Variants in SNTB1 observed in about 807,000 individuals in gnomAD.
The protein encoded by SNTB1 is beta-1-syntrophin.
In SNTB1, 36 loss-of-function variants were observed where a neutral mutation model predicts 48.9. The observed-to-expected ratio is 0.74, with a 90% CI of 0.56 to 0.97. SNTB1 has a LOEUF of 0.97. SNTB1 is among the 50% of genes least tolerant of loss of function. The pLI is 0.00. For synonymous variants in SNTB1, 299 were observed against 294.6 expected (o/e 1.01, Z -0.15); for missense variants, 786 against 703.4 (o/e 1.12, Z -1.33).
intron 3 of SNTB1, among the ~76,000 whole-genome samples, chr8:120,576,832 A>G (rs916291774): frequency 6.6e-6 from 1 of 152,210 alleles, no homozygotes; most frequent in Admixed American, 6.5e-5. Flanking sequence ...ATTTGTAGAA[A>G]TGCTTAATAC....
At chr8:120,632,940 T>G (rs922295540) in intron 2 of SNTB1, among the ~76,000 whole-genome samples, 1 of 152,214 alleles carries the variant, frequency 6.6e-6, no homozygotes, top group Admixed American at 6.5e-5. Flanking sequence ...ATTTGCTGAT[T>G]AGTAGTATCA....
rs149863300 is a variant in SNTB1, at chr8:120,617,982, T to G, written c.996+14462A>C. On this transcript the variant is annotated intron_variant, in intron 3 of 6. Transcript: ENST00000517992. The stretch of plus-strand genomic sequence containing the variant: ...AGAAAGGCAGTATCACCTGAATATA[T>G]GTATATATATATATATTTAGTGCTC... Among the ~76,000 whole-genome samples the G allele has an allele frequency of 1.6e-4, 24 of 152,242 alleles. No individual in the cohort carries two copies. The East Asian group carries it at 4.6e-3, about 29-fold the overall frequency.
intron 1 of SNTB1, among the ~76,000 whole-genome samples, chr8:120,804,974 G>A (rs1448258021): frequency 3.9e-5 from 6 of 152,254 alleles, no homozygotes; most frequent in East Asian, 1.9e-4. Context: ...GTAGGTATCT[G>A]CATGGTACTT....
In SNTB1 at chr8:120,555,642, G is replaced by C. The variant is rs143989977; in HGVS notation, c.1137-6684C>G. On this transcript the variant is annotated intron_variant, in intron 4 of 6. Coordinates refer to ENST00000517992, the MANE Select transcript of SNTB1 (RefSeq NM_021021.4). ...CTGCTCTTTGTTAGAAAATGATTTG[G>C]GGCAGCTTTTCATTAAAAAGAACAG... Among the ~76,000 whole-genome samples, 610 of 152,164 alleles carry C rather than the reference G, an allele frequency of 4.0e-3. 4 individuals carry two copies. Among genetic ancestry groups the C allele is most frequent in the African/African-American group, 0.014 (590 of 41,522 alleles).
rs184215957 is a variant in SNTB1 at position 120,680,128 on chromosome 8, C to A, written c.788+13564G>T. Among the ~76,000 whole-genome samples, 4 of 152,308 alleles carry A rather than the reference C, an allele frequency of 2.6e-5. No homozygotes were observed. The South Asian group carries it at 8.3e-4, about 32-fold the overall frequency. ...TAGACATCACTCCCTGTTGACAACA[C>A]CCAGCCTGCTTTAAAAACAGAACTT... On this transcript the variant is annotated intron_variant, in intron 2 of 6. Coordinates refer to ENST00000517992, the MANE Select transcript of SNTB1 (RefSeq NM_021021.4).
At chr8:120,635,368 A>T (rs755869995) in intron 2 of SNTB1, among the ~76,000 whole-genome samples, 1 of 152,312 alleles carries the variant, frequency 6.6e-6, no homozygotes, top group Non-Finnish European at 1.5e-5. Flanking sequence ...TTTTTAATTG[A>T]CAATGATGGT....
chr8:120,599,930 T>C (rs1361842092), intron 3 of SNTB1, among the ~76,000 whole-genome samples: 1 of 152,216 alleles, frequency 6.6e-6, no homozygotes, highest in Non-Finnish European at 1.5e-5. Context: ...GGATTATGCA[T>C]AAGCTATACT....
intron 2 of SNTB1, among the ~76,000 whole-genome samples, chr8:120,656,086 T>C (rs953344443): frequency 3.9e-5 from 6 of 152,202 alleles, no homozygotes; most frequent in African/African-American, 1.4e-4. Context: ...AACACCATAA[T>C]ATCCTTAACT....
chr8:120,689,953 A>G (rs1818097651), intron 2 of SNTB1, among the ~76,000 whole-genome samples: 1 of 152,222 alleles, frequency 6.6e-6, no homozygotes, highest in African/African-American at 2.4e-5. Flanking sequence ...AGAGTTCGCA[A>G]TGTATTCAGA....
chr8:120,734,871 A>G lies in SNTB1; in HGVS notation c.572-40963T>C, dbSNP rs564439054. ...GGCTTAGAGATTTCTGAGAGGGTCC[A>G]GATGGTTAAAGGATGACTGGCTATA... On this transcript the variant is annotated intron_variant, in intron 1 of 6. Coordinates refer to ENST00000517992, the MANE Select transcript of SNTB1 (RefSeq NM_021021.4). Among the ~76,000 whole-genome samples the G allele has an allele frequency of 2.2e-4, 33 of 152,338 alleles. No individual in the cohort carries two copies. The South Asian group carries it at 6.4e-3, about 30-fold the overall frequency.
intron 1 of SNTB1, among the ~76,000 whole-genome samples, chr8:120,713,537 C>T (rs2129925430): frequency 6.6e-6 from 1 of 152,274 alleles, no homozygotes; most frequent in African/African-American, 2.4e-5. Flanking sequence ...CAAGACCAGC[C>T]TGGCCAATAT....
At chr8:120,601,362 C>T (rs10113166) in intron 3 of SNTB1, among the ~76,000 whole-genome samples, 35,720 of 151,884 alleles carry the variant, frequency 0.24, 4,346 homozygotes, top group African/African-American at 0.29. Flanking sequence ...TCTGAGACAG[C>T]TTACTTGGAT....
At chr8:120,797,252 A>G (rs1820133803) in intron 1 of SNTB1, among the ~76,000 whole-genome samples, 1 of 152,106 alleles carries the variant, frequency 6.6e-6, no homozygotes, top group Admixed American at 6.6e-5. Context: ...TAACAAAATG[A>G]GAAATACTGA....
chr8:120,707,859 A>G (rs1416195619), intron 1 of SNTB1, among the ~76,000 whole-genome samples: 1 of 152,156 alleles, frequency 6.6e-6, no homozygotes, highest in African/African-American at 2.4e-5. Context: ...TGAGCAATGA[A>G]TTGCTACTGA....
intron 3 of SNTB1, among the ~76,000 whole-genome samples, chr8:120,626,484 GGA>G (rs1816884666): frequency 6.6e-6 from 1 of 152,038 alleles, no homozygotes; most frequent in Admixed American, 6.6e-5. Flanking sequence ...ATATGCATAG[GGA>G]GATGAAAAAT....
chr8:120,777,126 C>T (rs1164813926), intron 1 of SNTB1, among the ~76,000 whole-genome samples: 5 of 152,160 alleles, frequency 3.3e-5, no homozygotes, highest in Non-Finnish European at 4.4e-5. Context: ...GAAAGAATTG[C>T]TACTATGGTT....
At position 120,693,403 on chromosome 8, in the gene SNTB1, T is replaced by C. The variant is rs190389355; in HGVS notation, c.788+289A>G. On this transcript the variant is annotated intron_variant, in intron 2 of 6. Transcript: ENST00000517992. ...CTGAGGTTAAGCGGTTTAAGAAATG[T>C]GGCCTAAGTCACATGGACTGGTAAT... Among the ~76,000 whole-genome samples, 25 of 152,342 alleles carry C rather than the reference T, an allele frequency of 1.6e-4. No homozygotes were observed. The East Asian group carries it at 2.5e-3, about 15-fold the overall frequency.
At chr8:120,634,165 T>A (rs1344692795) in intron 2 of SNTB1, among the ~76,000 whole-genome samples, 1 of 152,194 alleles carries the variant, frequency 6.6e-6, no homozygotes, top group Non-Finnish European at 1.5e-5. Flanking sequence ...AAACCCAATA[T>A]TCATTCACGT....
chr8:120,800,314 C>T (rs972929718), intron 1 of SNTB1, among the ~76,000 whole-genome samples: 6 of 152,088 alleles, frequency 3.9e-5, no homozygotes, highest in African/African-American at 1.2e-4. Flanking sequence ...AAATGCCATA[C>T]AATTTCTCAC....
Sources: allele counts gnomAD v4.1 joint callset (sites outside exome capture counted in the v4.1 genomes callset), GRCh38; gene constraint gnomAD v4.1.1; transcripts MANE v1.5; gene names NCBI Gene and HGNC (gene_info 2026-07-23, HGNC 2026-07-21).